Variants in OR7C1 observed in about 807,000 individuals in gnomAD.
The protein encoded by OR7C1 is olfactory receptor 7C1.
For missense variants in OR7C1, 324 were observed against 383.3 expected, an observed-to-expected ratio of 0.85 and a Z score of 1.29; for synonymous variants, 152 against 160.7, an observed-to-expected ratio of 0.95 and a Z score of 0.41.
intron 1 of OR7C1, among the ~76,000 whole-genome samples, chr19:14,828,805 A>G (rs1048248813): frequency 6.8e-6 from 1 of 146,124 alleles, no homozygotes; most frequent in Non-Finnish European, 1.5e-5. Context: ...AACTTCTTCT[A>G]TGAATTTGAG....
chr19:14,828,389 A>T, intron 1 of OR7C1: 6 of 870,566 alleles, frequency 6.9e-6, no homozygotes, highest in South Asian at 5.6e-5. Context: ...TCTTTAAGGG[A>T]TCTCCATGTC....
At chr19:14,799,800 A>T in exon 5 of OR7C1, 2 of 1,613,940 alleles carry the variant, frequency 1.2e-6, no homozygotes, top group Non-Finnish European at 1.7e-6. Flanking sequence ...GTCAAGAGTA[A>T]ATTGTCCAGG....
chr19:14,827,185 C>A, intron 1 of OR7C1: 1 of 1,250,062 alleles, frequency 8.0e-7, no homozygotes, highest in Non-Finnish European at 1.1e-6. Flanking sequence ...TTGAAACTCC[C>A]AGAAATATAA....
chr19:14,805,884 G>A (rs747357053), intron 2 of OR7C1, among the ~76,000 whole-genome samples: 1 of 151,750 alleles, frequency 6.6e-6, no homozygotes, highest in Non-Finnish European at 1.5e-5. Context: ...ATATAAGACT[G>A]CTATCTAAAA....
chr19:14,826,999 A>C, intron 1 of OR7C1: 1 of 260,976 alleles, frequency 3.8e-6, no homozygotes. Context: ...GAGACATACA[A>C]CTCTTCCCTG....
rs2044852248 is a variant in OR7C1 at position 14,833,294 on chromosome 19, T to TA, written c.-623+1779dup. On this transcript the variant is annotated intron_variant, in intron 1 of 4. Coordinates refer to ENST00000641666, the Ensembl canonical transcript of OR7C1. ...GGGAGTTCAAGACCAGCCTGGGCAA[T>TA]ATGGCGAAACGCCATCTCTACCAAA... Among the ~76,000 whole-genome samples, 3 of 152,298 alleles carry TA rather than the reference T, an allele frequency of 2.0e-5. No individual in the cohort carries two copies. In the South Asian group the frequency reaches 6.2e-4, roughly 32 times the overall value.
intron 1 of OR7C1, among the ~76,000 whole-genome samples, chr19:14,816,474 G>A (rs28481983): frequency 0.022 from 3,354 of 152,266 alleles, 111 homozygotes; most frequent in African/African-American, 0.072. Context: ...TCCAGCTTTC[G>A]TCTTTCTCCC....
rs138384353 is a variant in OR7C1 at position 14,833,084 on chromosome 19, T to C, written c.-623+1990A>G. Among the ~76,000 whole-genome samples, 113 of 152,312 alleles carry C rather than the reference T, an allele frequency of 7.4e-4. 1 individual carries two copies. Among genetic ancestry groups the C allele is most frequent in the Middle Eastern group, 6.8e-3 (2 of 294 alleles). On this transcript the variant is annotated intron_variant, in intron 1 of 4. Coordinates refer to ENST00000641666, the Ensembl canonical transcript of OR7C1. ...TGTATTTCAATTTAGTTAGAAAGGA[T>C]TGGATATTTAAATAAATGCTGTCAT... is the stretch of plus-strand genomic sequence containing the variant.
chr19:14,813,380 C>A (rs1241168719), intron 1 of OR7C1, among the ~76,000 whole-genome samples: 3 of 151,752 alleles, frequency 2.0e-5, no homozygotes, highest in African/African-American at 7.3e-5. Flanking sequence ...TCGGTGAAAC[C>A]CTGTCTCTAC....
chr19:14,802,085 C>T (rs114484552), intron 2 of OR7C1, among the ~76,000 whole-genome samples: 115 of 152,330 alleles, frequency 7.5e-4, no homozygotes, highest in African/African-American at 2.6e-3. Context: ...TGACTGAAAC[C>T]AGGTTGGACA....
intron 1 of OR7C1, among the ~76,000 whole-genome samples, chr19:14,810,354 C>T (rs1252778364): frequency 6.7e-6 from 1 of 148,812 alleles, no homozygotes; most frequent in African/African-American, 2.6e-5. Context: ...GTCCCCTAAC[C>T]ACATTCAACC....
chr19:14,827,905 A>G, intron 1 of OR7C1: 1 of 1,614,188 alleles, frequency 6.2e-7, no homozygotes, highest in Non-Finnish European at 8.5e-7. Context: ...GACAGGAGGA[A>G]GTTTTCAAAT....
intron 1 of OR7C1, chr19:14,826,516 A>C (rs1220400355): frequency 1.3e-5 from 2 of 152,154 alleles, no homozygotes; most frequent in Non-Finnish European, 2.9e-5. Context: ...AAACTTATAT[A>C]TGGGCACTAA....
chr19:14,799,575 C>A lies in OR7C1; in HGVS notation c.562G>T (p.Ala188Ser). 1 of 1,614,126 alleles carries A rather than the reference C, an allele frequency of 6.2e-7. No homozygotes were observed. The highest frequency in any genetic ancestry group is 8.5e-7 in the Non-Finnish European group (1 of 1,180,026). The change falls in exon 5 of 5, where the codon GCC becomes TCC. Residue 188 changes from alanine (A) to serine (S), a missense_variant. Coordinates refer to ENST00000641666, the Ensembl canonical transcript of OR7C1. Reference sequence around the variant, plus strand: ...TTATTAATGAAGGTGTCAGAACAGGCGAGCTTCAGGACTTCAAGTAGATCA... The same window carrying A: ...TTATTAATGAAGGTGTCAGAACAGGAGAGCTTCAGGACTTCAAGTAGATCA...
At chr19:14,812,888 A>G (rs1322297519) in intron 1 of OR7C1, among the ~76,000 whole-genome samples, 1 of 151,438 alleles carries the variant, frequency 6.6e-6, no homozygotes, top group Non-Finnish European at 1.5e-5. Flanking sequence ...GCATGGTGAA[A>G]CCCCATCTCT....
intron 2 of OR7C1, among the ~76,000 whole-genome samples, chr19:14,806,381 C>G (rs1281806356): frequency 4.6e-5 from 7 of 151,880 alleles, no homozygotes. Flanking sequence ...GGCCATGTTG[C>G]TAAGTTTTAT....
At chr19:14,813,161 A>T (rs1215699531) in intron 1 of OR7C1, among the ~76,000 whole-genome samples, 4 of 152,182 alleles carry the variant, frequency 2.6e-5, no homozygotes, top group African/African-American at 9.7e-5. Flanking sequence ...ATATGAACAC[A>T]GATGCAGAAA....
chr19:14,826,388 T>C (rs766476124), intron 1 of OR7C1: 2 of 152,196 alleles, frequency 1.3e-5, no homozygotes, highest in Non-Finnish European at 2.9e-5. Context: ...GGTATTTTGG[T>C]TAGTGGGATA....
intron 1 of OR7C1, among the ~76,000 whole-genome samples, chr19:14,831,415 T>C (rs2044831091): frequency 1.3e-5 from 2 of 152,238 alleles, no homozygotes; most frequent in South Asian, 4.1e-4. Flanking sequence ...TTTCTTGTAT[T>C]TCCTGTGTGG....
Sources: allele counts gnomAD v4.1 joint callset (sites outside exome capture counted in the v4.1 genomes callset), GRCh38; gene constraint gnomAD v4.1.1; transcripts MANE v1.5; gene names NCBI Gene and HGNC (gene_info 2026-07-23, HGNC 2026-07-21).